NKAIN2: variants seen among roughly 807,000 people sequenced by gnomAD.
NKAIN2 encodes the protein sodium/potassium transporting ATPase interacting 2.
A neutral mutation model predicts 32.6 loss-of-function variants in NKAIN2; 14 were observed. The ratio of observed to expected loss-of-function variants is 0.43; its 90% CI spans 0.28 to 0.67. NKAIN2 has a LOEUF of 0.67. Ranked by LOEUF, NKAIN2 falls within the 30% of genes least tolerant of loss-of-function variation. The pLI, the probability that NKAIN2 is intolerant of heterozygous loss-of-function variation, is 0.17. For synonymous variants in NKAIN2, 80 were observed against 87.2 expected, an observed-to-expected ratio of 0.92 and a Z score of 0.46; for missense variants, 198 against 258.3, an observed-to-expected ratio of 0.77 and a Z score of 1.60.
At chr6:123,859,800 C>G (rs1775710401) in intron 1 of NKAIN2, among the ~76,000 whole-genome samples, 1 of 152,184 alleles carries the variant, frequency 6.6e-6, no homozygotes, top group Non-Finnish European at 1.5e-5. Flanking sequence ...AAGTGATTCC[C>G]CTACTTCAGT....
intron 2 of NKAIN2, among the ~76,000 whole-genome samples, chr6:124,310,186 T>C (rs1269481122): frequency 6.6e-6 from 1 of 152,148 alleles, no homozygotes; most frequent in Admixed American, 6.6e-5. Flanking sequence ...CATAGCTGTT[T>C]TAGTATTGTT....
intron 1 of NKAIN2, among the ~76,000 whole-genome samples, chr6:123,988,452 C>T (rs1464427792): frequency 1.3e-5 from 2 of 152,152 alleles, no homozygotes; most frequent in Non-Finnish European, 2.9e-5. Flanking sequence ...CTCTCAGATA[C>T]GGTGAGTGCA....
At chr6:124,414,479 T>A (rs920001746) in intron 3 of NKAIN2, among the ~76,000 whole-genome samples, 8 of 152,168 alleles carry the variant, frequency 5.3e-5, no homozygotes, top group Non-Finnish European at 1.5e-5. Flanking sequence ...CTTGTATTTC[T>A]TGTCCAATCT....
intron 1 of NKAIN2, among the ~76,000 whole-genome samples, chr6:123,841,935 G>A (rs894031573): frequency 3.3e-5 from 5 of 152,054 alleles, no homozygotes; most frequent in Non-Finnish European, 5.9e-5. Context: ...TTCAAAAGTC[G>A]CATTGAGAGC....
At chr6:124,391,775 T>C (rs1418309530) in intron 3 of NKAIN2, among the ~76,000 whole-genome samples, 3 of 152,138 alleles carry the variant, frequency 2.0e-5, no homozygotes, top group Non-Finnish European at 4.4e-5. Context: ...TTACTTTTGG[T>C]GGTGCTCAAA....
intron 1 of NKAIN2, among the ~76,000 whole-genome samples, chr6:124,137,578 A>T (rs945288402): frequency 6.6e-6 from 1 of 152,126 alleles, no homozygotes; most frequent in African/African-American, 2.4e-5. Flanking sequence ...AAAAAGAACA[A>T]ATCTGGAGGC....
chr6:124,541,130 C>T (rs753044643), intron 3 of NKAIN2, among the ~76,000 whole-genome samples: 25 of 152,162 alleles, frequency 1.6e-4, no homozygotes, highest in Non-Finnish European at 3.1e-4. Context: ...CACACATATA[C>T]ACACACACAC....
intron 3 of NKAIN2, among the ~76,000 whole-genome samples, chr6:124,526,737 G>A (rs996332402): frequency 6.6e-6 from 1 of 152,116 alleles, no homozygotes; most frequent in Non-Finnish European, 1.5e-5. Flanking sequence ...TCTTGTAAAA[G>A]GCATAGTCCC....
At chr6:124,095,545 A>G (rs965267353) in intron 1 of NKAIN2, among the ~76,000 whole-genome samples, 6 of 152,148 alleles carry the variant, frequency 3.9e-5, no homozygotes, top group African/African-American at 1.4e-4. Flanking sequence ...TTGCTCCTTT[A>G]TGCAGCCTAA....
intron 3 of NKAIN2, among the ~76,000 whole-genome samples, chr6:124,382,119 A>G (rs1048829699): frequency 2.6e-5 from 4 of 151,364 alleles, no homozygotes; most frequent in African/African-American, 9.7e-5. Flanking sequence ...GCAATTACCC[A>G]TTTTTTTTGC....
At chr6:124,612,361 A>G (rs900584323) in intron 3 of NKAIN2, among the ~76,000 whole-genome samples, 4 of 152,198 alleles carry the variant, frequency 2.6e-5, no homozygotes, top group Admixed American at 1.3e-4. Context: ...TTTATCTTAC[A>G]TAAATTAAAC....
intron 3 of NKAIN2, among the ~76,000 whole-genome samples, chr6:124,519,587 G>A (rs575112916): frequency 2.0e-5 from 3 of 152,258 alleles, no homozygotes; most frequent in African/African-American, 7.2e-5. Flanking sequence ...ATTTCCAAGT[G>A]AGCGTAATCA....
At chr6:124,711,685 T>C (rs867293656) in intron 4 of NKAIN2, among the ~76,000 whole-genome samples, 13 of 151,890 alleles carry the variant, frequency 8.6e-5, no homozygotes, top group South Asian at 6.3e-4. Context: ...CCTTTAAGCA[T>C]TTCTCTGTAT....
At chr6:123,911,803 A>ATATATATATATGTGTATATATATATATG (rs1562253423) in intron 1 of NKAIN2, among the ~76,000 whole-genome samples, 5 of 98,616 alleles carry the variant, frequency 5.1e-5, no homozygotes, top group Admixed American at 3.6e-4. Flanking sequence ...ATATATATGT[A>ATATATATATATGTGTATATATATATATG]TATATATATA....
chr6:124,579,951 G>GA (rs1001745205), intron 3 of NKAIN2, among the ~76,000 whole-genome samples: 1 of 152,078 alleles, frequency 6.6e-6, no homozygotes, highest in African/African-American at 2.4e-5. Context: ...GAAGGAAAAA[G>GA]AAAAACTTTT....
chr6:124,436,873 T>C (rs1475108544), intron 3 of NKAIN2, among the ~76,000 whole-genome samples: 2 of 152,152 alleles, frequency 1.3e-5, no homozygotes, highest in East Asian at 3.9e-4. Context: ...CTAGTAAAAG[T>C]CTGCAATGAC....
intron 3 of NKAIN2, among the ~76,000 whole-genome samples, chr6:124,595,171 A>G (rs1192370307): frequency 6.6e-6 from 1 of 152,184 alleles, no homozygotes; most frequent in Non-Finnish European, 1.5e-5. Flanking sequence ...TGTTTTCACA[A>G]GGCTGGTTGT....
chr6:124,608,867 C>T (rs1353933384), intron 3 of NKAIN2, among the ~76,000 whole-genome samples: 1 of 152,154 alleles, frequency 6.6e-6, no homozygotes, highest in African/African-American at 2.4e-5. Flanking sequence ...TATAATTCTC[C>T]ACCTCAATGT....
chr6:123,927,465 G>C (rs1285516464), intron 1 of NKAIN2, among the ~76,000 whole-genome samples: 1 of 152,146 alleles, frequency 6.6e-6, no homozygotes, highest in Non-Finnish European at 1.5e-5. Flanking sequence ...TCTGGCATTA[G>C]AGATAACCTC....
Sources: allele counts gnomAD v4.1 joint callset (sites outside exome capture counted in the v4.1 genomes callset), GRCh38; gene constraint gnomAD v4.1.1; transcripts MANE v1.5; gene names NCBI Gene and HGNC (gene_info 2026-07-23, HGNC 2026-07-21).